Variants in MAST4 observed in about 807,000 individuals in gnomAD.
The protein encoded by MAST4 is microtubule-associated serine/threonine-protein kinase 4.
A neutral mutation model predicts 162.7 loss-of-function variants in MAST4; 89 were observed. The ratio of observed to expected loss-of-function variants is 0.55; its 90% confidence interval spans 0.46 to 0.65. The LOEUF is 0.65. MAST4 is among the 30% of genes least tolerant of loss of function. The pLI is 0.00. For synonymous variants in MAST4, 1,479 were observed against 1,361.1 expected (o/e 1.09, Z -1.91); for missense variants, 3,153 against 3,374.0 (o/e 0.93, Z 1.62).
chr5:67,035,812 T>G (rs1755951907), intron 4 of MAST4, among the ~76,000 whole-genome samples: 1 of 152,188 alleles, frequency 6.6e-6, no homozygotes, highest in Admixed American at 6.5e-5. Flanking sequence ...TTTTTGTTAC[T>G]CACATGGTTA....
At chr5:67,066,562 T>A (rs547833456) in intron 5 of MAST4, among the ~76,000 whole-genome samples, 2 of 152,206 alleles carry the variant, frequency 1.3e-5, no homozygotes, top group African/African-American at 4.8e-5. Flanking sequence ...CCCCTAATGG[T>A]TGGTTTCAAA....
chr5:66,695,114 A>G (rs1749314107), intron 1 of MAST4, among the ~76,000 whole-genome samples: 1 of 151,880 alleles, frequency 6.6e-6, no homozygotes, highest in African/African-American at 2.4e-5. Context: ...CCTGAATGGC[A>G]TTTTCTAGAT....
intron 1 of MAST4, among the ~76,000 whole-genome samples, chr5:66,734,432 C>T (rs969900268): frequency 5.3e-5 from 8 of 152,152 alleles, no homozygotes; most frequent in Admixed American, 2.6e-4. Context: ...GGCCATTGAT[C>T]CATTGCACTC....
At chr5:66,708,789 A>G (rs940779030) in intron 1 of MAST4, among the ~76,000 whole-genome samples, 1 of 152,322 alleles carries the variant, frequency 6.6e-6, no homozygotes, top group Non-Finnish European at 1.5e-5. Flanking sequence ...TCAGTTTTCC[A>G]TGCATTACCT....
At chr5:66,639,976 A>G (rs1296148098) in intron 1 of MAST4, among the ~76,000 whole-genome samples, 2 of 152,132 alleles carry the variant, frequency 1.3e-5, no homozygotes, top group African/African-American at 4.8e-5. Context: ...ATTCTCAACA[A>G]ATTTCCAATA....
chr5:66,667,828 G>T (rs1747360465), intron 1 of MAST4, among the ~76,000 whole-genome samples: 1 of 152,008 alleles, frequency 6.6e-6, no homozygotes, highest in Non-Finnish European at 1.5e-5. Context: ...GAAGAAATCT[G>T]GTATTCACCT....
In MAST4 at chr5:67,012,761, C is replaced by G. The variant is rs529027964; in HGVS notation, c.675-41643C>G. ...AAAAAAAGAAAAGAAAAAAATTCCA[C>G]TAGGAACTTGGTTGTAAATTCTGAA... On this transcript the variant is annotated intron_variant, in intron 4 of 28. Transcript: ENST00000403625. Among the ~76,000 whole-genome samples the G allele has an allele frequency of 4.6e-5, 7 of 152,288 alleles. No individual in the cohort carries two copies. The South Asian group carries it at 1.5e-3, about 32-fold the overall frequency.
chr5:66,665,477 A>G (rs1411534540), intron 1 of MAST4, among the ~76,000 whole-genome samples: 2 of 152,198 alleles, frequency 1.3e-5, no homozygotes, highest in Admixed American at 6.5e-5. Context: ...GCAGAGAACT[A>G]TTTTAAATGG....
chr5:66,757,527 C>G (rs1179170491), intron 1 of MAST4, among the ~76,000 whole-genome samples: 2 of 152,056 alleles, frequency 1.3e-5, no homozygotes, highest in African/African-American at 4.8e-5. Context: ...TATACGTTAC[C>G]TTGCTCACAA....
intron 1 of MAST4, among the ~76,000 whole-genome samples, chr5:66,646,526 A>G (rs1377331485): frequency 2.0e-5 from 3 of 152,204 alleles, no homozygotes; most frequent in African/African-American, 7.2e-5. Context: ...AAACACGGTG[A>G]TAAAGCATAA....
chr5:66,765,623 A>T (rs1158140439), intron 2 of MAST4, among the ~76,000 whole-genome samples: 1 of 148,562 alleles, frequency 6.7e-6, no homozygotes, highest in East Asian at 1.9e-4. Context: ...TTAGCTTCTT[A>T]AAAAAAATCT....
intron 5 of MAST4, among the ~76,000 whole-genome samples, chr5:67,074,789 C>T (rs1407391098): frequency 6.6e-6 from 1 of 152,132 alleles, no homozygotes; most frequent in Non-Finnish European, 1.5e-5. Context: ...TTAGGATTAT[C>T]GATTTCATTT....
intron 1 of MAST4, among the ~76,000 whole-genome samples, chr5:66,745,496 C>T (rs952633083): frequency 1.1e-4 from 17 of 152,130 alleles, no homozygotes; most frequent in African/African-American, 3.4e-4. Flanking sequence ...AATCGATCAT[C>T]GATTAATGAT....
chr5:67,066,196 AG>A (rs1482006372), intron 5 of MAST4, among the ~76,000 whole-genome samples: 2 of 152,278 alleles, frequency 1.3e-5, no homozygotes, highest in East Asian at 3.9e-4. Flanking sequence ...GTATATATTC[AG>A]TGTAGAAAAC....
chr5:66,945,811 T>C (rs1413131358), intron 4 of MAST4, among the ~76,000 whole-genome samples: 1 of 152,168 alleles, frequency 6.6e-6, no homozygotes, highest in Non-Finnish European at 1.5e-5. Context: ...TAGTAGGTTT[T>C]TAAATGGTGC....
chr5:67,119,248 GA>G (rs1277604206), intron 13 of MAST4, among the ~76,000 whole-genome samples: 1 of 152,000 alleles, frequency 6.6e-6, no homozygotes, highest in Middle Eastern at 3.4e-3. Context: ...GTTATGGCTT[GA>G]AAAAAAATCA....
rs1752498410 is a variant in MAST4, at chr5:66,741,958, T to C, written c.364-17751T>C. On this transcript the variant is annotated intron_variant, in intron 1 of 28. Transcript: ENST00000403625. ...AGGAGAGGAAATCGAGTTGATCTAC[T>C]GTAAGTTCAGGTTGTTATATACTAG... Among the ~76,000 whole-genome samples, 3 of 152,332 alleles carry C rather than the reference T, an allele frequency of 2.0e-5. No homozygotes were observed. In the South Asian group the frequency reaches 6.2e-4, roughly 32 times the overall value.
Position 67,165,122 on chromosome 5 carries a change from C to A in MAST4, c.5943C>A (p.Ala1981=). 1 of 1,588,718 alleles carries A rather than the reference C, an allele frequency of 6.3e-7. No individual in the cohort carries two copies. Among genetic ancestry groups the A allele is most frequent in the South Asian group, 1.1e-5 (1 of 87,930 alleles). The change falls in exon 29 of 29, where the codon GCC becomes GCA. Residue 1981 remains alanine (A), a synonymous_variant. Coordinates refer to ENST00000403625, the MANE Select transcript of MAST4 (RefSeq NM_001164664.2). ...RESSERGPPT[A]RSERSAARAD... ...CGTCTGAAAGAGGCCCTCCCACAGCCAGAAGCGAGCGCTCTGCTGCGAGGG... is the reference window on the plus strand; with the variant it reads ...CGTCTGAAAGAGGCCCTCCCACAGCAAGAAGCGAGCGCTCTGCTGCGAGGG...
intron 3 of MAST4, among the ~76,000 whole-genome samples, chr5:66,853,029 TAAATC>T (rs1177492274): frequency 5.9e-5 from 9 of 152,236 alleles, no homozygotes; most frequent in African/African-American, 1.9e-4. Flanking sequence ...GGGTGGTTAA[TAAATC>T]AAGTCCCTTT....
Sources: allele counts gnomAD v4.1 joint callset (sites outside exome capture counted in the v4.1 genomes callset), GRCh38; gene constraint gnomAD v4.1.1; transcripts MANE v1.5; gene names NCBI Gene and HGNC (gene_info 2026-07-23, HGNC 2026-07-21).